CSMD1: variants seen among roughly 807,000 people sequenced by gnomAD.
CSMD1 encodes the protein CUB and Sushi multiple domains 1.
CSMD1 carries 213 observed loss-of-function variants against 417.5 expected under a neutral mutation model. The observed-to-expected ratio is 0.51, with a 90% CI of 0.46 to 0.57. The LOEUF (loss-of-function observed/expected upper bound fraction) is 0.57, where lower values mean the gene tolerates loss of function less well. Ranked by LOEUF, CSMD1 falls within the 20% of genes least tolerant of loss-of-function variation. The pLI, the probability that CSMD1 is intolerant of heterozygous loss-of-function variation, is 0.00. For synonymous variants in CSMD1, 2,862 were observed against 1,736.8 expected (o/e 1.65, Z -16.11); for missense variants, 6,923 against 4,529.7 (o/e 1.53, Z -15.17).
At position 4,186,780 on chromosome 8, in the gene CSMD1, A is replaced by C. The variant is rs1439704286; in HGVS notation, c.416-154681T>G. On this transcript the variant is annotated intron_variant, in intron 3 of 69. Transcript: ENST00000635120. ...GGCGGGTGGATCACTTGAGGTCAGG[A>C]GTTCAAGACCAGCCTGGTCTACATG... 5.3e-5 allele frequency among the ~76,000 whole-genome samples: 8 copies of C among 151,532 alleles called. No individual in the cohort carries two copies. The South Asian group carries it at 1.3e-3, about 24-fold the overall frequency.
At chr8:4,057,498 A>C (rs1798756977) in intron 3 of CSMD1, among the ~76,000 whole-genome samples, 1 of 151,954 alleles carries the variant, frequency 6.6e-6, no homozygotes, top group Admixed American at 6.5e-5. Flanking sequence ...GTTCATTCTG[A>C]CGGTAGTTTG....
intron 5 of CSMD1, among the ~76,000 whole-genome samples, chr8:3,790,021 A>T (rs536388139): frequency 6.6e-6 from 1 of 152,176 alleles, no homozygotes; most frequent in East Asian, 1.9e-4. Context: ...GTAAGCCACC[A>T]TGCCCGGCCG....
At chr8:3,992,973 A>G (rs944533971) in intron 5 of CSMD1, among the ~76,000 whole-genome samples, 2 of 152,246 alleles carry the variant, frequency 1.3e-5, no homozygotes, top group African/African-American at 4.8e-5. Flanking sequence ...AAAGATGGAA[A>G]CGGCCACAGT....
intron 12 of CSMD1, among the ~76,000 whole-genome samples, chr8:3,424,645 G>GA (rs1424257803): frequency 2.0e-5 from 3 of 151,960 alleles, no homozygotes; most frequent in Non-Finnish European, 4.4e-5. Context: ...TTCAAATAAA[G>GA]AAAAAAATGT....
chr8:3,253,480 T>C (rs1438106600), intron 26 of CSMD1, among the ~76,000 whole-genome samples: 1 of 152,200 alleles, frequency 6.6e-6, no homozygotes, highest in Non-Finnish European at 1.5e-5. Flanking sequence ...AGGTGTGGTG[T>C]GGTGCTGAAA....
chr8:4,785,882 G>A (rs1797376409), intron 1 of CSMD1, among the ~76,000 whole-genome samples: 1 of 152,106 alleles, frequency 6.6e-6, no homozygotes, highest in South Asian at 2.1e-4. Flanking sequence ...ACGGGGCCTG[G>A]ATTTTAACCC....
chr8:3,722,662 C>T (rs7838920), intron 6 of CSMD1, among the ~76,000 whole-genome samples: 35 of 152,222 alleles, frequency 2.3e-4, no homozygotes, highest in African/African-American at 7.5e-4. Context: ...GTGTATATTC[C>T]GCACAGAGTT....
At chr8:3,507,422 G>C (rs6988038) in intron 10 of CSMD1, among the ~76,000 whole-genome samples, 13,380 of 152,150 alleles carry the variant, frequency 0.088, 741 homozygotes, top group African/African-American at 0.16. Flanking sequence ...CATTTGGGTT[G>C]GTTCCAAGTC....
At chr8:3,646,811 T>G (rs1178438659) in intron 7 of CSMD1, among the ~76,000 whole-genome samples, 1 of 152,092 alleles carries the variant, frequency 6.6e-6, no homozygotes, top group African/African-American at 2.4e-5. Flanking sequence ...AGCCCTGTCT[T>G]GCTTCCCCTG....
intron 1 of CSMD1, among the ~76,000 whole-genome samples, chr8:4,845,484 C>A (rs1427273766): frequency 6.6e-6 from 1 of 152,220 alleles, no homozygotes; most frequent in Non-Finnish European, 1.5e-5. Context: ...ATCTGAACGA[C>A]AATTCACCAA....
intron 5 of CSMD1, among the ~76,000 whole-genome samples, chr8:3,872,013 G>A (rs1054603262): frequency 2.6e-5 from 4 of 152,204 alleles, no homozygotes; most frequent in Admixed American, 6.5e-5. Flanking sequence ...TGTGCAGTGA[G>A]TATAGTGGTT....
chr8:3,366,940 T>A (rs192823968), intron 20 of CSMD1, 92 bp downstream of exon 20: 13 of 979,878 alleles, frequency 1.3e-5, no homozygotes, highest in Non-Finnish European at 2.1e-5. Context: ...GATGCACACA[T>A]TACACACACA....
chr8:3,714,470 C>T (rs1801709499), intron 6 of CSMD1, among the ~76,000 whole-genome samples: 1 of 148,502 alleles, frequency 6.7e-6, no homozygotes, highest in African/African-American at 2.5e-5. Context: ...CATCTGTAAT[C>T]CCAGCACTTT....
intron 12 of CSMD1, among the ~76,000 whole-genome samples, chr8:3,421,739 G>A (rs952517862): frequency 1.3e-5 from 2 of 152,126 alleles, no homozygotes; most frequent in African/African-American, 4.8e-5. Context: ...CCAGGTTCAA[G>A]CAATTGTCCT....
intron 6 of CSMD1, among the ~76,000 whole-genome samples, chr8:3,718,698 A>C (rs1256541928): frequency 6.6e-6 from 1 of 152,304 alleles, no homozygotes; most frequent in Non-Finnish European, 1.5e-5. Context: ...CTCTTTACTA[A>C]TGTAAAGGGT....
chr8:3,995,738 G>A (rs1456003410), intron 5 of CSMD1, among the ~76,000 whole-genome samples: 1 of 152,186 alleles, frequency 6.6e-6, no homozygotes, highest in Admixed American at 6.5e-5. Flanking sequence ...CAAGCAAATA[G>A]GACAATATAA....
At chr8:4,692,554 G>C (rs1420450472) in intron 1 of CSMD1, among the ~76,000 whole-genome samples, 1 of 152,140 alleles carries the variant, frequency 6.6e-6, no homozygotes, top group Non-Finnish European at 1.5e-5. Flanking sequence ...CACATGAAGA[G>C]GGCCGGGAAG....
intron 25 of CSMD1, among the ~76,000 whole-genome samples, chr8:3,304,685 C>T (rs1804680986): frequency 6.6e-6 from 1 of 151,548 alleles, no homozygotes; most frequent in South Asian, 2.1e-4. Flanking sequence ...TCAGTTCATG[C>T]AATAAAAACT....
chr8:4,223,815 G>C (rs1801188137), intron 3 of CSMD1, among the ~76,000 whole-genome samples: 1 of 152,186 alleles, frequency 6.6e-6, no homozygotes, highest in Admixed American at 6.5e-5. Flanking sequence ...AACAACCAGT[G>C]AAACTGTTTT....
Sources: allele counts gnomAD v4.1 joint callset (sites outside exome capture counted in the v4.1 genomes callset), GRCh38; gene constraint gnomAD v4.1.1; transcripts MANE v1.5; gene names NCBI Gene and HGNC (gene_info 2026-07-23, HGNC 2026-07-21).